HMCN1: variants seen among roughly 807,000 people sequenced by gnomAD.
HMCN1 encodes hemicentin 1.
A neutral mutation model predicts 625.9 loss-of-function variants in HMCN1; 321 were observed. The observed-to-expected ratio is 0.51, with a 90% CI of 0.47 to 0.56. The LOEUF is 0.56. Ranked by LOEUF, HMCN1 falls within the 20% of genes least tolerant of loss-of-function variation. The pLI, the probability that HMCN1 is intolerant of heterozygous loss-of-function variation, is 0.00. For synonymous variants in HMCN1, 2,425 were observed against 2,417.6 expected, an observed-to-expected ratio of 1.00 and a Z score of -0.09; for missense variants, 6,588 against 6,887.3, an observed-to-expected ratio of 0.96 and a Z score of 1.54.
chr1:186,050,533 G>A (rs990893144), intron 42 of HMCN1, among the ~76,000 whole-genome samples: 4 of 152,010 alleles, frequency 2.6e-5, no homozygotes, highest in Non-Finnish European at 5.9e-5. Context: ...TAACGACAGT[G>A]TTGTTCTCAG....
chr1:185,760,619 T>G (rs2102121021), intron 1 of HMCN1, among the ~76,000 whole-genome samples: 1 of 152,258 alleles, frequency 6.6e-6, no homozygotes, highest in East Asian at 1.9e-4. Flanking sequence ...GACAACGTCC[T>G]TTCCCTTATA....
intron 1 of HMCN1, among the ~76,000 whole-genome samples, chr1:185,751,996 G>A (rs1654845120): frequency 6.6e-6 from 1 of 151,848 alleles, no homozygotes; most frequent in African/African-American, 2.4e-5. Flanking sequence ...GTTGCTAATT[G>A]CCTCCTGTCA....
rs751925735 is a variant in HMCN1 at position 185,865,890 on chromosome 1, T to C, written c.621+27T>C. ...TCAGTTTAATAAAGGGAGTCTACTT[T>C]ATTACCAGCTGCCTTATCAAAATCA... On this transcript the variant is annotated intron_variant, in intron 4 of 106. Coordinates refer to ENST00000271588, the MANE Select transcript of HMCN1 (RefSeq NM_031935.3). 5.0e-6 allele frequency: 8 copies of C among 1,611,416 alleles called. No homozygotes were observed. In the South Asian group the frequency reaches 8.8e-5, roughly 18 times the overall value.
At position 186,057,314 on chromosome 1, in the gene HMCN1, G is replaced by A; in HGVS notation, c.7225G>A (p.Glu2409Lys). Residue 2409 changes from glutamate to lysine, a missense_variant, in exon 46 of 107, where the codon GAA (glutamate) becomes AAA (lysine). Physicochemically the swap from Glu to Lys is moderately conservative, Grantham distance 56. This residue lies in a region of HMCN1 where 4,628 missense variants were observed against 4,853.1 expected (regional missense o/e 0.95). Coordinates refer to ENST00000271588, the MANE Select transcript of HMCN1 (RefSeq NM_031935.3). ...VEKNSVSLTC[E>K]ASGIPLPSIT... The stretch of plus-strand genomic sequence containing the variant: ...AAAGAACTCAGTATCTTTGACTTGT[G>A]AAGCTTCTGGAATTCCCCTGCCTTC... 1 of 1,609,856 alleles carries A rather than the reference G, an allele frequency of 6.2e-7. No individual in the cohort carries two copies. Among genetic ancestry groups the A allele is most frequent in the Non-Finnish European group, 8.5e-7 (1 of 1,176,534 alleles).
chr1:186,047,882 GC>G (rs1455330927), intron 41 of HMCN1, among the ~76,000 whole-genome samples: 1 of 152,036 alleles, frequency 6.6e-6, no homozygotes, highest in African/African-American at 2.4e-5. Flanking sequence ...TTATTGACTG[GC>G]TTCTGTGTAC....
Position 186,145,414 on chromosome 1 carries a change from T to TG in HMCN1, c.14280dup (p.Ser4761GlufsTer14). 2 of 1,581,186 alleles carry TG rather than the reference T, an allele frequency of 1.3e-6. No homozygotes were observed. The highest frequency in any genetic ancestry group is 1.7e-6 in the Non-Finnish European group (2 of 1,163,990). ...ATTCTGTCTTGTAGCCCATGGTAAC[T>TG]GGAGTCCTTGGAGTGGCTGGGGAAC... On this transcript the variant is annotated frameshift_variant, in exon 92 of 107. Coordinates refer to ENST00000271588, the MANE Select transcript of HMCN1 (RefSeq NM_031935.3). LOFTEE classifies it high-confidence loss of function.
chr1:185,778,454 G>A (rs1001335484), intron 1 of HMCN1, among the ~76,000 whole-genome samples: 1 of 150,160 alleles, frequency 6.7e-6, no homozygotes, highest in Non-Finnish European at 1.5e-5. Flanking sequence ...CCATTAACTC[G>A]TCATTTACAT....
intron 80 of HMCN1, 100 bp from the exon 81 acceptor site, chr1:186,122,851 G>T (rs1372017160): frequency 2.4e-6 from 3 of 1,267,386 alleles, no homozygotes; most frequent in Non-Finnish European, 2.2e-6. Context: ...TCAGGATTTT[G>T]TTTCTTATCA....
intron 1 of HMCN1, among the ~76,000 whole-genome samples, chr1:185,771,318 G>A (rs79095764): frequency 6.6e-6 from 1 of 152,172 alleles, no homozygotes; most frequent in African/African-American, 2.4e-5. Flanking sequence ...CCTGATCAAA[G>A]TAAGCTGTTA....
At chr1:185,907,461 C>G (rs1666159153) in intron 4 of HMCN1, among the ~76,000 whole-genome samples, 1 of 151,866 alleles carries the variant, frequency 6.6e-6, no homozygotes, top group South Asian at 2.1e-4. Flanking sequence ...TTGTCTGGTC[C>G]TGACACAGGC....
chr1:186,162,037 C>T (rs1346818175), intron 97 of HMCN1, among the ~76,000 whole-genome samples: 1 of 152,172 alleles, frequency 6.6e-6, no homozygotes, highest in Non-Finnish European at 1.5e-5. Flanking sequence ...TCCCTTCTCC[C>T]CATCACTTTC....
chr1:185,742,134 G>C (rs1409399934), intron 1 of HMCN1, among the ~76,000 whole-genome samples: 2 of 152,034 alleles, frequency 1.3e-5, no homozygotes, highest in African/African-American at 2.4e-5. Context: ...TCTTATTCTT[G>C]TCACTTCAGC....
At position 186,172,574 on chromosome 1, in the gene HMCN1, C is replaced by T. The variant is rs1008465983; in HGVS notation, c.15814+443C>T. On this transcript the variant is annotated intron_variant, in intron 102 of 106. Coordinates refer to ENST00000271588, the MANE Select transcript of HMCN1 (RefSeq NM_031935.3). The stretch of plus-strand genomic sequence containing the variant: ...CAGACAAATAAAATAAATAATTTGC[C>T]CAAAATTTATGCTTTGCCTGTCTAG... Among the ~76,000 whole-genome samples the T allele has an allele frequency of 8.3e-4, 126 of 151,808 alleles. 1 individual carries two copies. Among genetic ancestry groups the T allele is most frequent in the Non-Finnish European group, 1.5e-4 (10 of 67,966 alleles).
chr1:186,182,261 T>G lies in HMCN1; in HGVS notation c.16388T>G (p.Leu5463Arg). The G allele has an allele frequency of 6.2e-7, 1 of 1,613,462 alleles. No homozygotes were observed. Among genetic ancestry groups the G allele is most frequent in the East Asian group, 2.2e-5 (1 of 44,846 alleles). The change falls in exon 105 of 107, where the codon CTC becomes CGC. Residue 5463 changes from leucine to arginine, a missense_variant. Around this residue, in one of 3 missense-constraint regions of HMCN1, gnomAD observed 1,954 missense variants for 2,013.1 expected, o/e 0.97. Coordinates refer to ENST00000271588, the MANE Select transcript of HMCN1 (RefSeq NM_031935.3). ...YQCICPPGYQLTHNGKTCQDI... is the reference protein window; with the variant it reads ...YQCICPPGYQRTHNGKTCQDI... ...TGCATCTGCCCACCTGGCTATCAACTCACACACAATGGAAAGACATGCCAA... is the reference window on the plus strand; with the variant it reads ...TGCATCTGCCCACCTGGCTATCAACGCACACACAATGGAAAGACATGCCAA...
At chr1:185,814,599 G>T (rs1248557180) in intron 1 of HMCN1, among the ~76,000 whole-genome samples, 1 of 140,014 alleles carries the variant, frequency 7.1e-6, no homozygotes, top group South Asian at 2.1e-4. Context: ...GGTAATGAAG[G>T]CATCTATTTT....
At chr1:185,739,016 C>T (rs1405582697) in intron 1 of HMCN1, among the ~76,000 whole-genome samples, 2 of 151,284 alleles carry the variant, frequency 1.3e-5, no homozygotes, top group African/African-American at 4.9e-5. Context: ...TCCTCATCCT[C>T]CCCCTATCCT....
At chr1:186,101,808 G>C (rs1338595749) in intron 68 of HMCN1, among the ~76,000 whole-genome samples, 1 of 152,022 alleles carries the variant, frequency 6.6e-6, no homozygotes, top group Non-Finnish European at 1.5e-5. Context: ...AGTAAGAGGA[G>C]TAAATAATTG....
Position 186,114,841 on chromosome 1 carries a change from T to C in HMCN1, c.11299T>C (p.Phe3767Leu). 3 of 1,614,068 alleles carry C rather than the reference T, an allele frequency of 1.9e-6. No homozygotes were observed. Among genetic ancestry groups the C allele is most frequent in the Middle Eastern group, 1.6e-4 (1 of 6,062 alleles). Residue 3767 changes from phenylalanine to leucine, a missense_variant, in exon 74 of 107, where the codon TTC becomes CTC. Phe to Leu is a conservative substitution (Grantham distance 22). This residue lies in a region of HMCN1 where 4,628 missense variants were observed against 4,853.1 expected (regional missense o/e 0.95). Transcript: ENST00000271588. Reference sequence around the variant, plus strand: ...TAGATATTCCATCTTGGAAAATGGATTCCTTCATATTCAATCAGCACATGT... The same window carrying C: ...TAGATATTCCATCTTGGAAAATGGACTCCTTCATATTCAATCAGCACATGT... ...HARYSILENG[F>L]LHIQSAHVTD... is the part of the protein sequence containing the mutation.
chr1:185,930,633 T>A (rs1224380858), intron 10 of HMCN1, among the ~76,000 whole-genome samples: 1 of 152,176 alleles, frequency 6.6e-6, no homozygotes, highest in Non-Finnish European at 1.5e-5. Flanking sequence ...CGCCTCAATT[T>A]TTGCCAGCAC....
Sources: allele counts gnomAD v4.1 joint callset (sites outside exome capture counted in the v4.1 genomes callset), GRCh38; gene constraint gnomAD v4.1.1; regional missense constraint gnomAD v4.1.1; transcripts MANE v1.5; gene names NCBI Gene and HGNC (gene_info 2026-07-23, HGNC 2026-07-21).